The following DLC1 variants were observed in gnomAD, a reference collection of about 807,000 sequenced individuals.
DLC1 encodes DLC1 Rho GTPase activating protein, also known as rho GTPase-activating protein 7.
Under a neutral mutation model 140.3 loss-of-function variants are expected in DLC1, and 54 were observed. The observed-to-expected ratio is 0.38, with a 90% CI of 0.31 to 0.48. The LOEUF is 0.48. Ranked by LOEUF, DLC1 falls within the 20% of genes least tolerant of loss-of-function variation. The pLI, the probability that DLC1 is intolerant of heterozygous loss-of-function variation, is 0.96. For missense variants in DLC1, 2,536 were observed against 1,907.0 expected (o/e 1.33, Z -6.14); for synonymous variants, 986 against 728.1 (o/e 1.35, Z -5.70).
chr8:13,230,363 T>A lies in DLC1; in HGVS notation c.1348+74906A>T, dbSNP rs953443540. Among the ~76,000 whole-genome samples, 11 of 152,188 alleles carry A rather than the reference T, an allele frequency of 7.2e-5. 1 individual carries two copies. Among genetic ancestry groups the A allele is most frequent in the African/African-American group, 2.7e-4 (11 of 41,446 alleles). ...GCACAGCAATTTGCTTTTGCTAGTT[T>A]ATTACACCTTTTCCCTCAAAAGTCA... On this transcript the variant is annotated intron_variant, in intron 5 of 17. Transcript: ENST00000276297.
intron 1 of DLC1, among the ~76,000 whole-genome samples, chr8:13,562,286 A>G (rs2117384039): frequency 6.6e-6 from 1 of 152,318 alleles, no homozygotes; most frequent in South Asian, 2.1e-4. Flanking sequence ...ATAGACAAAT[A>G]GACAAACTGA....
At chr8:13,539,608 T>G (rs919121494) in intron 1 of DLC1, among the ~76,000 whole-genome samples, 43 of 152,144 alleles carry the variant, frequency 2.8e-4, no homozygotes, top group Non-Finnish European at 5.3e-4. Context: ...GCCAGGAGCT[T>G]CTGTCCCTCA....
intron 2 of DLC1, among the ~76,000 whole-genome samples, chr8:13,481,709 C>G (rs1320752109): frequency 1.3e-5 from 2 of 152,102 alleles, no homozygotes; most frequent in Admixed American, 6.5e-5. Context: ...ACCCCTCTCC[C>G]AATTCTTATG....
chr8:13,198,799 C>G (rs1827212807), intron 5 of DLC1, among the ~76,000 whole-genome samples: 1 of 151,894 alleles, frequency 6.6e-6, no homozygotes. Flanking sequence ...TCACTGCAAC[C>G]CCTACCTCCT....
rs377013096 is a variant in DLC1 at position 13,467,509 on chromosome 8, C to T, written c.1023+31540G>A. ...GGATATAGTGGCTCACACCTGTAATCCTAGCACTTTGGGAGGCCAAAGTGG... is the reference window on the plus strand; with the variant it reads ...GGATATAGTGGCTCACACCTGTAATTCTAGCACTTTGGGAGGCCAAAGTGG... On this transcript the variant is annotated intron_variant, in intron 2 of 17. Coordinates refer to ENST00000276297, the MANE Select transcript of DLC1 (RefSeq NM_182643.3). Among the ~76,000 whole-genome samples the T allele has an allele frequency of 8.0e-5, 12 of 150,654 alleles. 1 individual carries two copies. Among genetic ancestry groups the T allele is most frequent in the African/African-American group, 2.2e-4 (9 of 41,018 alleles).
chr8:13,400,893 A>T (rs1363540806), intron 3 of DLC1, among the ~76,000 whole-genome samples: 2 of 152,194 alleles, frequency 1.3e-5, no homozygotes, highest in African/African-American at 2.4e-5. Flanking sequence ...GACTCTTAAG[A>T]GAGTGTCTAT....
At chr8:13,375,248 C>T (rs138732556) in intron 4 of DLC1, among the ~76,000 whole-genome samples, 3,201 of 152,148 alleles carry the variant, frequency 0.021, 56 homozygotes, top group Middle Eastern at 0.058. Context: ...AGGATGGTCT[C>T]GATCTCCTGA....
chr8:13,396,372 C>G (rs7824586), intron 3 of DLC1, among the ~76,000 whole-genome samples: 126 of 152,230 alleles, frequency 8.3e-4, no homozygotes, highest in African/African-American at 2.8e-3. Context: ...CATTAATTTC[C>G]TGTTTGTGAT....
chr8:13,252,510 A>G (rs944184087), intron 5 of DLC1, among the ~76,000 whole-genome samples: 2 of 152,200 alleles, frequency 1.3e-5, no homozygotes, highest in Non-Finnish European at 2.9e-5. Flanking sequence ...ATACGGTCAT[A>G]TGGTTTAGAA....
intron 5 of DLC1, among the ~76,000 whole-genome samples, chr8:13,145,537 G>T (rs578198821): frequency 1.3e-5 from 2 of 152,236 alleles, no homozygotes; most frequent in Admixed American, 1.3e-4. Context: ...GGATGTACTA[G>T]GGAAACTGTT....
At chr8:13,238,832 G>A (rs1036201672) in intron 5 of DLC1, among the ~76,000 whole-genome samples, 8 of 152,104 alleles carry the variant, frequency 5.3e-5, no homozygotes, top group African/African-American at 1.4e-4. Flanking sequence ...TCTCTGACGC[G>A]TGCTTCCAGG....
chr8:13,378,178 T>G (rs1287267434), intron 4 of DLC1, among the ~76,000 whole-genome samples: 2 of 143,876 alleles, frequency 1.4e-5, no homozygotes, highest in Non-Finnish European at 3.1e-5. Context: ...GTAACAAACC[T>G]GCACATTGTG....
At chr8:13,353,753 A>C (rs1834788320) in intron 4 of DLC1, among the ~76,000 whole-genome samples, 1 of 151,814 alleles carries the variant, frequency 6.6e-6, no homozygotes, top group Non-Finnish European at 1.5e-5. Context: ...GCTATTTGGG[A>C]GGCTGAGGCA....
intron 5 of DLC1, among the ~76,000 whole-genome samples, chr8:13,172,180 G>T (rs1327283890): frequency 6.6e-6 from 1 of 152,192 alleles, no homozygotes; most frequent in Non-Finnish European, 1.5e-5. Flanking sequence ...TATTAAAGTG[G>T]TAATTATTTA....
chr8:13,097,561 C>T (rs1362850456), intron 10 of DLC1, among the ~76,000 whole-genome samples: 2 of 152,172 alleles, frequency 1.3e-5, no homozygotes, highest in South Asian at 2.1e-4. Flanking sequence ...ACCACACCCG[C>T]CCCAAAATGA....
chr8:13,167,945 A>C (rs900510078), intron 5 of DLC1, among the ~76,000 whole-genome samples: 1 of 152,244 alleles, frequency 6.6e-6, no homozygotes. Flanking sequence ...ACCAAGTACC[A>C]TTTATTAATA....
At chr8:13,524,000 T>G (rs1802840127) in intron 1 of DLC1, among the ~76,000 whole-genome samples, 1 of 151,720 alleles carries the variant, frequency 6.6e-6, no homozygotes, top group Non-Finnish European at 1.5e-5. Flanking sequence ...AGGGACTGAT[T>G]TCAGTTGGGA....
chr8:13,466,796 T>C (rs1799963300), intron 2 of DLC1, among the ~76,000 whole-genome samples: 1 of 152,230 alleles, frequency 6.6e-6, no homozygotes, highest in Non-Finnish European at 1.5e-5. Context: ...CTTTATTTTT[T>C]AATCATTAAA....
intron 9 of DLC1, among the ~76,000 whole-genome samples, chr8:13,099,051 A>C: frequency 7.9e-6 from 1 of 126,216 alleles, no homozygotes; most frequent in Non-Finnish European, 2.0e-5. Context: ...TATAAAGTGC[A>C]CCATTTTCAC....
Sources: allele counts gnomAD v4.1 joint callset (sites outside exome capture counted in the v4.1 genomes callset), GRCh38; gene constraint gnomAD v4.1.1; transcripts MANE v1.5; gene names NCBI Gene and HGNC (gene_info 2026-07-23, HGNC 2026-07-21).